DENND3: variants seen among roughly 807,000 people sequenced by gnomAD.
The protein encoded by DENND3 is DENN domain-containing protein 3.
Under a neutral mutation model 135.1 loss-of-function variants are expected in DENND3, and 88 were observed. That is an observed-to-expected ratio of 0.65 (90% CI 0.55 to 0.78). The LOEUF (loss-of-function observed/expected upper bound fraction) is 0.78. DENND3 is among the 30% of genes least tolerant of loss of function. DENND3 has a pLI of 0.00. For missense variants in DENND3, 1,392 were observed against 1,688.4 expected (o/e 0.82, Z 3.08); for synonymous variants, 693 against 712.3 (o/e 0.97, Z 0.43).
chr8:141,153,435 A>G (rs1479952077), intron 7 of DENND3, among the ~76,000 whole-genome samples: 2 of 152,226 alleles, frequency 1.3e-5, no homozygotes, highest in Non-Finnish European at 2.9e-5. Flanking sequence ...ATAGAAGAAC[A>G]CAGCGTGTGT....
rs1393444698 is a variant in DENND3 at position 141,144,658 on chromosome 8, G to A, written c.735+399G>A. On this transcript the variant is annotated intron_variant, in intron 5 of 22. Transcript: ENST00000519811. The surrounding 1 kb of genome is among the most constrained non-coding windows in gnomAD (Gnocchi z 4.4). ...AAAAATGAAATTCCCGGCCATGACA[G>A]GAAGGAAGGTCAGACACGCCTTGTT... Among the ~76,000 whole-genome samples the A allele has an allele frequency of 6.6e-6, 1 of 152,146 alleles. No individual in the cohort carries two copies. Among genetic ancestry groups the A allele is most frequent in the Non-Finnish European group, 1.5e-5 (1 of 68,036 alleles).
intron 1 of DENND3, among the ~76,000 whole-genome samples, chr8:141,136,238 C>T (rs754843064): frequency 1.3e-5 from 2 of 152,172 alleles, no homozygotes; most frequent in African/African-American, 2.4e-5. Flanking sequence ...GCCTGGACGG[C>T]AGTGCTTTAT....
At chr8:141,140,250 C>T (rs1038387772) in intron 3 of DENND3, among the ~76,000 whole-genome samples, 22 of 152,186 alleles carry the variant, frequency 1.4e-4, no homozygotes, top group Admixed American at 1.4e-3. Flanking sequence ...CTCATACACT[C>T]TCCTCTGCCT....
intron 13 of DENND3, among the ~76,000 whole-genome samples, chr8:141,169,065 C>T (rs1417411173): frequency 6.6e-6 from 1 of 152,248 alleles, no homozygotes; most frequent in Non-Finnish European, 1.5e-5. Context: ...ACCATGTTGG[C>T]CAGGCTGGTC....
rs1031035945 is a variant in DENND3 at position 141,174,988 on chromosome 8, C to T, written c.2276-212C>T. ...AAAGGGCTGCGGGCTCAGCCTAGAT[C>T]GTGTGCCCCTCCCTTGACAGCTGGA... On this transcript the variant is annotated intron_variant, in intron 13 of 22. Coordinates refer to ENST00000519811, the MANE Select transcript of DENND3 (RefSeq NM_001352890.3). The surrounding 1 kb of genome is among the most constrained non-coding windows in gnomAD (Gnocchi z 4.6). Among the ~76,000 whole-genome samples the T allele has an allele frequency of 2.6e-5, 4 of 152,198 alleles. No homozygotes were observed. Among genetic ancestry groups the T allele is most frequent in the Non-Finnish European group, 4.4e-5 (3 of 68,038 alleles).
chr8:141,181,308 G>A (rs1252048314), intron 17 of DENND3, among the ~76,000 whole-genome samples: 1 of 152,152 alleles, frequency 6.6e-6, no homozygotes, highest in Admixed American at 6.5e-5. Flanking sequence ...CCAGGCACCC[G>A]CCACCATGTC....
At chr8:141,164,083 T>C (rs1236317682) in intron 10 of DENND3, among the ~76,000 whole-genome samples, 1 of 152,164 alleles carries the variant, frequency 6.6e-6, no homozygotes. Context: ...CAACTCTACC[T>C]GTGTGCATCC....
At chr8:141,189,565 G>C (rs1824413010) in intron 19 of DENND3, among the ~76,000 whole-genome samples, 1 of 152,228 alleles carries the variant, frequency 6.6e-6, no homozygotes, top group South Asian at 2.1e-4. Flanking sequence ...CACTGGACAC[G>C]GGGCATCCAG....
At chr8:141,150,321 A>G (rs1370409500) in intron 5 of DENND3, 1 of 1,282,562 alleles carries the variant, frequency 7.8e-7, no homozygotes, top group Non-Finnish European at 1.0e-6. Context: ...CTGTGAATAC[A>G]GAATTTGAAC....
intron 18 of DENND3, among the ~76,000 whole-genome samples, chr8:141,187,415 G>T (rs1824036769): frequency 6.6e-6 from 1 of 151,890 alleles, no homozygotes; most frequent in South Asian, 2.1e-4. Context: ...AGTAGAGATG[G>T]GGTTTCACCG....
Position 141,166,657 on chromosome 8 carries a change from C to T in DENND3, c.1753+268C>T, listed in dbSNP as rs1395869429. 6.6e-6 allele frequency among the ~76,000 whole-genome samples: 1 copy of T among 152,210 alleles called. No homozygotes were observed. Among genetic ancestry groups the T allele is most frequent in the African/African-American group, 2.4e-5 (1 of 41,444 alleles). The stretch of plus-strand genomic sequence containing the variant: ...GCATCCTTCACAGGTGTAGGCTGTG[C>T]CTGTCTCTGTATGTGTGGATTGCAT... On this transcript the variant is annotated intron_variant, in intron 12 of 22. Coordinates refer to ENST00000519811, the MANE Select transcript of DENND3 (RefSeq NM_001352890.3). This position sits in a 1 kb window ranked among gnomAD's most constrained non-coding sequence, Gnocchi z 4.3.
intron 22 of DENND3, 121 bp from the exon 23 acceptor site, chr8:141,193,912 C>A: frequency 8.8e-7 from 1 of 1,136,798 alleles, no homozygotes; most frequent in Non-Finnish European, 1.3e-6. Context: ...CGGCAGAGGC[C>A]CTGTCCAGGA....
intron 8 of DENND3, chr8:141,157,873 C>T: frequency 1.1e-6 from 1 of 876,802 alleles, no homozygotes; most frequent in Non-Finnish European, 1.4e-6. Flanking sequence ...GATTCTCCTG[C>T]CTCAGCCTCC....
Position 141,167,738 on chromosome 8 carries a change from C to T in DENND3, c.1754-266C>T, listed in dbSNP as rs1235696321. Among the ~76,000 whole-genome samples the T allele has an allele frequency of 6.6e-5, 10 of 152,172 alleles. No individual in the cohort carries two copies. Among genetic ancestry groups the T allele is most frequent in the Non-Finnish European group, 1.5e-4 (10 of 68,034 alleles). On this transcript the variant is annotated intron_variant, in intron 12 of 22. Coordinates refer to ENST00000519811, the MANE Select transcript of DENND3 (RefSeq NM_001352890.3). This position sits in a 1 kb window ranked among gnomAD's most constrained non-coding sequence, Gnocchi z 4.1. ...TCAAATAAAGCCTCAGTACCCGATA[C>T]CTCAGTAGTATTACTAGTTGTAGCA...
chr8:141,144,271 C>T lies in DENND3; in HGVS notation c.735+12C>T, dbSNP rs749151175. ...GACCGCTCCATTTGGTAAAGTATATCTGAAATTATATTGTTTTTTCTTTGC... is the reference window on the plus strand; with the variant it reads ...GACCGCTCCATTTGGTAAAGTATATTTGAAATTATATTGTTTTTTCTTTGC... On this transcript the variant is annotated intron_variant, in intron 5 of 22. Coordinates refer to ENST00000519811, the MANE Select transcript of DENND3 (RefSeq NM_001352890.3). The surrounding 1 kb of genome is among the most constrained non-coding windows in gnomAD (Gnocchi z 4.4). 5.0e-6 allele frequency: 8 copies of T among 1,591,454 alleles called. No individual in the cohort carries two copies. Among genetic ancestry groups the T allele is most frequent in the Non-Finnish European group, 6.8e-6 (8 of 1,169,616 alleles).
At chr8:141,145,519 G>T (rs1195218127) in intron 5 of DENND3, among the ~76,000 whole-genome samples, 1 of 151,970 alleles carries the variant, frequency 6.6e-6, no homozygotes, top group Non-Finnish European at 1.5e-5. Flanking sequence ...GATAGAGTTT[G>T]GTTTTTCCAT....
At chr8:141,181,621 A>T (rs1823113795) in intron 17 of DENND3, among the ~76,000 whole-genome samples, 1 of 152,266 alleles carries the variant, frequency 6.6e-6, no homozygotes, top group Non-Finnish European at 1.5e-5. Flanking sequence ...GTATAAAAAA[A>T]GATGGCTGTC....
chr8:141,189,597 G>T (rs1054119526), intron 19 of DENND3, among the ~76,000 whole-genome samples: 1 of 151,164 alleles, frequency 6.6e-6, no homozygotes, highest in Non-Finnish European at 1.5e-5. Flanking sequence ...GAGGAGGTGG[G>T]GTCTCCTTGA....
intron 9 of DENND3, among the ~76,000 whole-genome samples, chr8:141,161,798 CTTT>C (rs766568248): frequency 2.6e-4 from 33 of 129,338 alleles, no homozygotes; most frequent in Non-Finnish European, 4.6e-4. Flanking sequence ...TTTGAGTGGC[CTTT>C]TTTTTTTTTT....
Sources: gnomAD v4.1 joint callset for allele counts (sites outside exome capture counted in the v4.1 genomes callset) on GRCh38, gnomAD v4.1.1 for gene constraint, Gnocchi (gnomAD v3.1) non-coding constraint, MANE v1.5 for transcripts, NCBI Gene and HGNC (gene_info 2026-07-23, HGNC 2026-07-21) for gene names.